Variants in EDNRA observed in about 807,000 individuals in gnomAD.
The protein encoded by EDNRA is endothelin-1 receptor.
EDNRA carries 11 observed loss-of-function variants against 41.4 expected under a neutral mutation model. That is an observed-to-expected ratio of 0.27 (90% confidence interval 0.17 to 0.44). The LOEUF (loss-of-function observed/expected upper bound fraction) is 0.44. Ranked by LOEUF, EDNRA falls within the 20% of genes least tolerant of loss-of-function variation. EDNRA has a pLI of 1.00. For synonymous variants in EDNRA, 172 were observed against 183.0 expected, an observed-to-expected ratio of 0.94 and a Z score of 0.49; for missense variants, 294 against 531.0, an observed-to-expected ratio of 0.55 and a Z score of 4.39.
intron 2 of EDNRA, among the ~76,000 whole-genome samples, chr4:147,497,587 T>G (rs1729350704): frequency 3.3e-5 from 5 of 152,088 alleles, no homozygotes; most frequent in Admixed American, 3.3e-4. Flanking sequence ...ACTTTTTTTT[T>G]TTGAGATGGA....
rs1422041593 is a variant in EDNRA, at chr4:147,542,798, G to A, written c.*180G>A. 4.5e-6 allele frequency: 3 copies of A among 664,486 alleles called. No homozygotes were observed. The African/African-American group carries it at 5.5e-5, about 12-fold the overall frequency. The allele number at this position is 664,486 out of a possible 1,614,324, so 41.2% of individuals were successfully genotyped here. ...TGGTTTATCCACCCACAACATCTAC[G>A]AATCGTACTTCTTTAATTGATCTAA... On this transcript the variant is annotated 3_prime_UTR_variant, in exon 8 of 8. Coordinates refer to ENST00000651419, the MANE Select transcript of EDNRA (RefSeq NM_001957.4).
chr4:147,511,300 A>T (rs1311923661), intron 2 of EDNRA, among the ~76,000 whole-genome samples: 3 of 152,320 alleles, frequency 2.0e-5, no homozygotes, highest in Non-Finnish European at 4.4e-5. Flanking sequence ...TGCCTCAATT[A>T]TGAGTAATTG....
chr4:147,482,014 A>G (rs1391049886), intron 1 of EDNRA, among the ~76,000 whole-genome samples: 1 of 152,194 alleles, frequency 6.6e-6, no homozygotes, highest in Non-Finnish European at 1.5e-5. Flanking sequence ...TGTTTACATC[A>G]TCCTAATGGC....
chr4:147,488,444 T>C (rs1456973475), intron 2 of EDNRA: 3 of 152,252 alleles, frequency 2.0e-5, no homozygotes, highest in Non-Finnish European at 4.4e-5. Flanking sequence ...AATCCAATAC[T>C]TTGTATACCT....
At chr4:147,522,894 T>G (rs1730374649) in intron 3 of EDNRA, among the ~76,000 whole-genome samples, 1 of 152,180 alleles carries the variant, frequency 6.6e-6, no homozygotes, top group African/African-American at 2.4e-5. Flanking sequence ...GAGACAGAAG[T>G]TACAGGCAAA....
chr4:147,499,388 A>G (rs960356679), intron 2 of EDNRA, among the ~76,000 whole-genome samples: 1 of 152,232 alleles, frequency 6.6e-6, no homozygotes, highest in East Asian at 1.9e-4. Flanking sequence ...AAAAAAATAA[A>G]TAATGAAGGG....
rs550362998 is a variant in EDNRA, at chr4:147,523,616, G to A, written c.548+3638G>A. Among the ~76,000 whole-genome samples, 143 of 151,292 alleles carry A rather than the reference G, an allele frequency of 9.5e-4. 1 individual carries two copies. The highest frequency in any genetic ancestry group is 3.4e-3 in the Middle Eastern group (1 of 292). On this transcript the variant is annotated intron_variant, in intron 3 of 7. Coordinates refer to ENST00000651419, the MANE Select transcript of EDNRA (RefSeq NM_001957.4). ...CGCCATTCTCCTGCCTCAGCTTCCC[G>A]AGTAGCTGGGACTACAGGTGCCCAC...
chr4:147,523,473 TG>T (rs1217272679), intron 3 of EDNRA, among the ~76,000 whole-genome samples: 224 of 105,040 alleles, frequency 2.1e-3, no homozygotes, highest in African/African-American at 0.013. Flanking sequence ...TTTTTTTTGT[TG>T]TTGTTGTTTT....
chr4:147,533,925 G>A (rs10305907), intron 4 of EDNRA, among the ~76,000 whole-genome samples: 1 of 152,154 alleles, frequency 6.6e-6, no homozygotes, highest in South Asian at 2.1e-4. Flanking sequence ...AAGGGTATGA[G>A]TTGAACAGAT....
At chr4:147,528,557 G>C (rs1730637102) in intron 3 of EDNRA, among the ~76,000 whole-genome samples, 2 of 151,900 alleles carry the variant, frequency 1.3e-5, no homozygotes, top group Admixed American at 1.3e-4. Flanking sequence ...TCACCATGTT[G>C]CCCAGGGTGT....
chr4:147,527,471 A>T (rs1730594018), intron 3 of EDNRA, among the ~76,000 whole-genome samples: 1 of 152,276 alleles, frequency 6.6e-6, no homozygotes, highest in African/African-American at 2.4e-5. Flanking sequence ...AAAAATTGTG[A>T]GTCATATGAT....
intron 1 of EDNRA, among the ~76,000 whole-genome samples, chr4:147,484,805 A>G (rs1728887886): frequency 6.6e-6 from 1 of 152,240 alleles, no homozygotes; most frequent in Non-Finnish European, 1.5e-5. Context: ...AAAAATTTAG[A>G]TTTTACACAT....
At chr4:147,540,232 A>G (rs1731052217) in intron 6 of EDNRA, 145 bp from the exon 7 acceptor site, 1 of 786,104 alleles carries the variant, frequency 1.3e-6, no homozygotes, top group South Asian at 1.9e-5. Flanking sequence ...TGCCGTTTAA[A>G]CAAGCACTTT....
At position 147,519,069 on chromosome 4, in the gene EDNRA, G is replaced by A. The variant is rs979614160; in HGVS notation, c.421-782G>A. ...AAACAAGGTTGGAAATTGTCAACAT[G>A]GAAGAACAGATTTTTCTGCATGTGA... is the stretch of plus-strand genomic sequence containing the variant. On this transcript the variant is annotated intron_variant, in intron 2 of 7. Transcript: ENST00000651419. The surrounding 1 kb of genome is among the most constrained non-coding windows in gnomAD (Gnocchi z 4.1). Among the ~76,000 whole-genome samples, 5 of 152,190 alleles carry A rather than the reference G, an allele frequency of 3.3e-5. No individual in the cohort carries two copies. Among genetic ancestry groups the A allele is most frequent in the Non-Finnish European group, 5.9e-5 (4 of 68,040 alleles).
At chr4:147,538,269 C>T (rs144486699) in intron 5 of EDNRA, among the ~76,000 whole-genome samples, 6 of 152,108 alleles carry the variant, frequency 3.9e-5, no homozygotes, top group South Asian at 2.1e-4. Context: ...GAAAACAACC[C>T]GTCATGGGTG....
At chr4:147,483,302 C>T (rs771168545) in intron 1 of EDNRA, among the ~76,000 whole-genome samples, 10 of 152,164 alleles carry the variant, frequency 6.6e-5, no homozygotes, top group Non-Finnish European at 1.2e-4. Flanking sequence ...GAGTCAAGTC[C>T]TATAAGCAAA....
At chr4:147,506,650 G>A in intron 2 of EDNRA, 1 of 316,746 alleles carries the variant, frequency 3.2e-6, no homozygotes, top group Non-Finnish European at 6.2e-6. Context: ...AACAACCTGT[G>A]GTATACCTGA....
At chr4:147,504,019 CTGTT>C (rs1729604020) in intron 2 of EDNRA, among the ~76,000 whole-genome samples, 1 of 151,984 alleles carries the variant, frequency 6.6e-6, no homozygotes, top group African/African-American at 2.4e-5. Context: ...TTTTACAAAT[CTGTT>C]TATTTAACGT....
intron 7 of EDNRA, among the ~76,000 whole-genome samples, chr4:147,540,789 A>G (rs1187819345): frequency 6.6e-6 from 1 of 152,234 alleles, no homozygotes; most frequent in Admixed American, 6.5e-5. Flanking sequence ...CAGAGAGTAC[A>G]TAAGACCTAT....
Sources: gnomAD v4.1 joint callset for allele counts (sites outside exome capture counted in the v4.1 genomes callset) on GRCh38, gnomAD v4.1.1 for gene constraint, Gnocchi (gnomAD v3.1) non-coding constraint, MANE v1.5 for transcripts, NCBI Gene and HGNC (gene_info 2026-07-23, HGNC 2026-07-21) for gene names.